Variants in MRPL4 observed in about 807,000 individuals in gnomAD.
MRPL4 encodes mitochondrial ribosomal protein L4.
Under a neutral mutation model 34.1 loss-of-function variants are expected in MRPL4, and 34 were observed. The observed-to-expected ratio is 1.00, with a 90% CI of 0.76 to 1.33. MRPL4 has a LOEUF of 1.33. Ranked by LOEUF, MRPL4 falls within the 40% of genes most tolerant of loss-of-function variation. The pLI, the probability that MRPL4 is intolerant of heterozygous loss-of-function variation, is 0.00. For missense variants in MRPL4, 402 were observed against 434.6 expected, an observed-to-expected ratio of 0.92 and a Z score of 0.67; for synonymous variants, 196 against 188.3, an observed-to-expected ratio of 1.04 and a Z score of -0.33.
At chr19:10,253,038 CATA>C (rs2082721645) in intron 3 of MRPL4, 1 of 290,046 alleles carries the variant, frequency 3.4e-6, no homozygotes, top group Non-Finnish European at 6.5e-6. Flanking sequence ...AATTCTGGCA[CATA>C]ATAAGTTCTA....
chr19:10,256,866 G>GGGGGGGGGCC, intron 5 of MRPL4, 41 bp downstream of exon 5: 2 of 378,380 alleles, frequency 5.3e-6, no homozygotes. Context: ...GGGTGGGGGG[G>GGGGGGGGGCC]CCAGGGAAGG....
chr19:10,257,285 C>T (rs1221680645), intron 5 of MRPL4, among the ~76,000 whole-genome samples: 1 of 152,130 alleles, frequency 6.6e-6, no homozygotes, highest in Non-Finnish European at 1.5e-5. Context: ...GCAGAGATGA[C>T]TCTCTCTTGT....
chr19:10,256,866 G>GGGCC, intron 5 of MRPL4, 41 bp downstream of exon 5: 1 of 378,382 alleles, frequency 2.6e-6, no homozygotes, highest in Non-Finnish European at 5.0e-6. Context: ...GGGTGGGGGG[G>GGGCC]CCAGGGAAGG....
chr19:10,258,247 C>T lies in MRPL4; in HGVS notation c.471C>T (p.Gly157=). 1 of 1,614,042 alleles carries T rather than the reference C, an allele frequency of 6.2e-7. No individual in the cohort carries two copies. Among genetic ancestry groups the T allele is most frequent in the Non-Finnish European group, 8.5e-7 (1 of 1,180,000 alleles). The change falls in exon 6 of 9, where the codon GGC becomes GGT. Residue 157 remains glycine, a synonymous_variant. Coordinates refer to ENST00000253099, the MANE Select transcript of MRPL4 (RefSeq NM_015956.3). ...GAGGTGTTGCCCATGGCCCCCGGGG[C>T]CCCACAAGTTACTACTACATGCTGC... ...RGGGVAHGPR[G]PTSYYYMLPM...
chr19:10,253,366 G>C (rs372307580), intron 3 of MRPL4, among the ~76,000 whole-genome samples: 3 of 149,478 alleles, frequency 2.0e-5, no homozygotes, highest in African/African-American at 7.4e-5. Flanking sequence ...GTAGTCCCAG[G>C]TACTCTGGAG....
chr19:10,257,809 A>G (rs1255829732), intron 5 of MRPL4, among the ~76,000 whole-genome samples: 1 of 151,910 alleles, frequency 6.6e-6, no homozygotes, highest in Non-Finnish European at 1.5e-5. Flanking sequence ...ATGGTGTCCT[A>G]TGGGGCAGGA....
In MRPL4 at chr19:10,259,935, A is replaced by G. The variant is rs1214295322; in HGVS notation, c.*122A>G. 1.4e-5 allele frequency: 13 copies of G among 903,268 alleles called. No homozygotes were observed. Among genetic ancestry groups the G allele is most frequent in the Admixed American group, 3.3e-5 (1 of 30,056 alleles). 56.0% of individuals were successfully genotyped at this position (903,268 alleles called of 1,614,324 possible). ...TCATTCCACGGAGGAAGCTGAGGCC[A>G]CAGGGAGCGGCCATCGCCATTGGGA... On this transcript the variant is annotated 3_prime_UTR_variant, in exon 9 of 9. Transcript: ENST00000253099.
At chr19:10,259,581 G>C (rs1242077467) in intron 8 of MRPL4, 36 bp from the exon 9 acceptor site, 8 of 1,538,784 alleles carry the variant, frequency 5.2e-6, no homozygotes, top group South Asian at 1.2e-5. Flanking sequence ...GCCCCGGCCT[G>C]ACCGGCCCCC....
intron 5 of MRPL4, among the ~76,000 whole-genome samples, chr19:10,257,886 G>T (rs1021352956): frequency 6.6e-6 from 1 of 151,864 alleles, no homozygotes; most frequent in Non-Finnish European, 1.5e-5. Flanking sequence ...TCGCTCTGTT[G>T]CCCAGGCTGT....
intron 5 of MRPL4, among the ~76,000 whole-genome samples, chr19:10,257,767 C>T (rs1416873835): frequency 6.6e-6 from 1 of 152,000 alleles, no homozygotes; most frequent in Admixed American, 6.6e-5. Flanking sequence ...AGTTCACACT[C>T]TAGCCACTCT....
At chr19:10,253,313 A>T (rs962334898) in intron 3 of MRPL4, among the ~76,000 whole-genome samples, 1 of 150,766 alleles carries the variant, frequency 6.6e-6, no homozygotes. Context: ...CGTCTCTACT[A>T]AAAATACAAA....
chr19:10,258,817 C>T (rs182730345), intron 8 of MRPL4, 132 bp downstream of exon 8: 3 of 1,597,632 alleles, frequency 1.9e-6, no homozygotes, highest in East Asian at 4.5e-5. Flanking sequence ...CAACCTTCAG[C>T]TTGCCCAAAG....
chr19:10,259,561 G>A (rs927449731), intron 8 of MRPL4, 56 bp from the exon 9 acceptor site: 86 of 1,543,226 alleles, frequency 5.6e-5, no homozygotes, highest in Non-Finnish European at 7.2e-5. Context: ...GTGGGGTGAG[G>A]AGAGAGGCAG....
At chr19:10,254,741 C>T (rs568559313) in intron 4 of MRPL4, 101 bp downstream of exon 4, 44 of 1,224,504 alleles carry the variant, frequency 3.6e-5, no homozygotes, top group African/African-American at 1.5e-4. Flanking sequence ...CTGGACTGCT[C>T]GGCTGGGGCC....
chr19:10,258,348 C>T lies in MRPL4; in HGVS notation c.552+20C>T. On this transcript the variant is annotated intron_variant, in intron 6 of 8. Coordinates refer to ENST00000253099, the MANE Select transcript of MRPL4 (RefSeq NM_015956.3). ...GCCCAGGTACAGCCATGGGGGGGCC[C>T]AGACAGCTGCTAGAGGTGGGGCTGC... 6.2e-7 allele frequency: 1 copy of T among 1,613,936 alleles called. No homozygotes were observed. The highest frequency in any genetic ancestry group is 1.6e-4 in the Middle Eastern group (1 of 6,062).
intron 4 of MRPL4, among the ~76,000 whole-genome samples, chr19:10,256,210 T>C (rs974120491): frequency 1.3e-5 from 2 of 151,766 alleles, no homozygotes; most frequent in African/African-American, 4.8e-5. Context: ...TGCTTGAACC[T>C]GGGAGGCGGA....
chr19:10,259,184 G>A (rs187496195), intron 8 of MRPL4: 24 of 1,239,554 alleles, frequency 1.9e-5, no homozygotes, highest in Middle Eastern at 3.2e-4. Flanking sequence ...ACAAGATGGC[G>A]ACATGAGCCT....
At chr19:10,255,539 CT>C (rs2039842522) in intron 4 of MRPL4, 1 of 152,484 alleles carries the variant, frequency 6.6e-6, no homozygotes. Context: ...TGCAAAGGCC[CT>C]GTGGCAGGGA....
chr19:10,252,688 G>T lies in MRPL4; in HGVS notation c.262G>T (p.Ala88Ser). 1 of 1,603,022 alleles carries T rather than the reference G, an allele frequency of 6.2e-7. No individual in the cohort carries two copies. Among genetic ancestry groups the T allele is most frequent in the East Asian group, 2.2e-5 (1 of 44,860 alleles). The change falls in exon 3 of 9, where the codon GCC (alanine) becomes TCC (serine). Residue 88 changes from alanine (A) to serine (S), a missense_variant. Ala to Ser is a moderately conservative substitution (Grantham distance 99). Coordinates refer to ENST00000253099, the MANE Select transcript of MRPL4 (RefSeq NM_015956.3). ...GGCCGACCTGCACCCCGATGTTTTC[G>T]CCACCGCGCCCAGGTGAGCGAGGGC... Reference protein sequence around the residue: ...GLADLHPDVFATAPRLDILHQ... With the variant: ...GLADLHPDVFSTAPRLDILHQ...
Sources: gnomAD v4.1 joint callset for allele counts (sites outside exome capture counted in the v4.1 genomes callset) on GRCh38, gnomAD v4.1.1 for gene constraint, MANE v1.5 for transcripts, NCBI Gene and HGNC (gene_info 2026-07-23, HGNC 2026-07-21) for gene names.